Variants in ITGA4 observed in about 807,000 individuals in gnomAD.
ITGA4 encodes integrin subunit alpha 4, also known as integrin alpha-4.
In ITGA4, 63 loss-of-function variants were observed where a neutral mutation model predicts 133.6. The ratio of observed to expected loss-of-function variants is 0.47; its 90% CI spans 0.38 to 0.58. The LOEUF is 0.58. ITGA4 is among the 20% of genes least tolerant of loss of function. The probability of loss-of-function intolerance (pLI) is 0.00; values close to 1 mark genes in which losing one functional copy is unlikely to be tolerated. For missense variants in ITGA4, 1,076 were observed against 1,252.7 expected, an observed-to-expected ratio of 0.86 and a Z score of 2.13; for synonymous variants, 483 against 438.0, an observed-to-expected ratio of 1.10 and a Z score of -1.28.
At position 181,533,966 on chromosome 2, in the gene ITGA4, C is replaced by T. The variant is rs78871629; in HGVS notation, c.2785-306C>T. ...ATAAAAAGCCCAAATAAGATAGATT[C>T]AATATGCGGTGGTGGGGTGGAGAAC... On this transcript the variant is annotated intron_variant, in intron 25 of 27. Transcript: ENST00000397033. Among the ~76,000 whole-genome samples, 513 of 152,202 alleles carry T rather than the reference C, an allele frequency of 3.4e-3. 1 individual carries two copies. The highest frequency in any genetic ancestry group is 6.1e-3 in the Non-Finnish European group (415 of 67,986).
Position 181,523,819 on chromosome 2 carries a change from C to T in ITGA4, c.2169+287C>T, listed in dbSNP as rs891012349. Among the ~76,000 whole-genome samples, 1 of 152,126 alleles carries T rather than the reference C, an allele frequency of 6.6e-6. No individual in the cohort carries two copies. Among genetic ancestry groups the T allele is most frequent in the African/African-American group, 2.4e-5 (1 of 41,432 alleles). On this transcript the variant is annotated intron_variant, in intron 19 of 27. Transcript: ENST00000397033. This position sits in a 1 kb window ranked among gnomAD's most constrained non-coding sequence, Gnocchi z 4.2. Reference sequence around the variant, plus strand: ...CCTTCCCGAAAACCCCCACCCCCACCGCAGGTGGTCCTGTCTGCCAGGCAT... The same window carrying T: ...CCTTCCCGAAAACCCCCACCCCCACTGCAGGTGGTCCTGTCTGCCAGGCAT...
Position 181,538,247 on chromosome 2 carries a change from G to T in ITGA4, c.*2720G>T, listed in dbSNP as rs539464631. ...GACTGATAAGTCTTGGATGCAATCT[G>T]TAAAGAAAATACATTATTTCATCAA... On this transcript the variant is annotated 3_prime_UTR_variant, in exon 28 of 28. Coordinates refer to ENST00000397033, the MANE Select transcript of ITGA4 (RefSeq NM_000885.6). 3 of 1,560,672 alleles carry T rather than the reference G, an allele frequency of 1.9e-6. No individual in the cohort carries two copies. Among genetic ancestry groups the T allele is most frequent in the South Asian group, 1.1e-5 (1 of 89,818 alleles).
Position 181,536,762 on chromosome 2 carries a change from AAATAC to A in ITGA4, c.*1239_*1243del, listed in dbSNP as rs1291188112. Reference sequence around the variant, plus strand: ...TTTCTGGATTTTAAAAAATTTCTTTAAATACAATCATTTTTGTAATATTTATTTTA... The same window carrying A: ...TTTCTGGATTTTAAAAAATTTCTTTAAATCATTTTTGTAATATTTATTTTA... On this transcript the variant is annotated 3_prime_UTR_variant, in exon 28 of 28. Transcript: ENST00000397033. The A allele has an allele frequency of 8.1e-6, 2 of 247,302 alleles. No homozygotes were observed. Among genetic ancestry groups the A allele is most frequent in the East Asian group, 1.0e-4 (1 of 9,624 alleles). 15.3% of individuals were successfully genotyped at this position (247,302 alleles called of 1,614,324 possible).
rs762369916 is a variant in ITGA4, at chr2:181,536,919, T to C, written c.*1392T>C. ...ATTAGAAGGCAATGTGGAAAAACAA[T>C]TCTGGGAAAGATTTCTTTATATGAA... On this transcript the variant is annotated 3_prime_UTR_variant, in exon 28 of 28. Coordinates refer to ENST00000397033, the MANE Select transcript of ITGA4 (RefSeq NM_000885.6). The C allele has an allele frequency of 2.2e-6, 1 of 453,458 alleles. No individual in the cohort carries two copies. Among genetic ancestry groups the C allele is most frequent in the South Asian group, 1.6e-5 (1 of 64,350 alleles). 28.1% of individuals were successfully genotyped at this position (453,458 alleles called of 1,614,324 possible). A position where few individuals can be genotyped will look rare whatever the true frequency, so the allele number is the denominator to read the frequency against.
chr2:181,537,489 C>CT lies in ITGA4; in HGVS notation c.*1968dup, dbSNP rs140597682. 0.011 allele frequency: 4,906 copies of CT among 453,530 alleles called. 174 individuals carry two copies. The highest frequency in any genetic ancestry group is 0.084 in the African/African-American group (4,211 of 50,008). The allele number at this position is 453,530 out of a possible 1,614,324, so 28.1% of individuals were successfully genotyped here. A position where few individuals can be genotyped will look rare whatever the true frequency, so the allele number is the denominator to read the frequency against. On this transcript the variant is annotated 3_prime_UTR_variant, in exon 28 of 28. Transcript: ENST00000397033. ...TTTAAGAAGACAGGGATGGGTTATT[C>CT]TTTTTTGGCAGGTAGGCTATATAAC... is the stretch of plus-strand genomic sequence containing the variant.
chr2:181,500,919 A>G (rs529283620), intron 15 of ITGA4, among the ~76,000 whole-genome samples: 3 of 152,284 alleles, frequency 2.0e-5, no homozygotes, highest in East Asian at 1.9e-4. Context: ...TGGAAGATAC[A>G]GGTGATAAAG....
intron 2 of ITGA4, among the ~76,000 whole-genome samples, chr2:181,467,344 C>A (rs1017261434): frequency 5.3e-5 from 8 of 152,070 alleles, no homozygotes; most frequent in Admixed American, 3.3e-4. Context: ...AGCCAGAAAG[C>A]CAGACTGAGA....
intron 15 of ITGA4, among the ~76,000 whole-genome samples, chr2:181,507,070 A>G (rs1278399058): frequency 6.6e-6 from 1 of 152,168 alleles, no homozygotes; most frequent in Non-Finnish European, 1.5e-5. Flanking sequence ...AAACAGCCAT[A>G]TGAAAAGTAG....
In ITGA4 at chr2:181,537,315, G is replaced by A. The variant is rs886055314; in HGVS notation, c.*1788G>A. 9 of 453,536 alleles carry A rather than the reference G, an allele frequency of 2.0e-5. No individual in the cohort carries two copies. The highest frequency in any genetic ancestry group is 6.9e-4 in the Middle Eastern group (1 of 1,442). 28.1% of individuals were successfully genotyped at this position (453,536 alleles called of 1,614,324 possible). A position where few individuals can be genotyped will look rare whatever the true frequency, so the allele number is the denominator to read the frequency against. ...ATATTTCAGGTTATCTGAGCACAGT[G>A]AAAGCAGAGTACTATGGTTGTCCAA... On this transcript the variant is annotated 3_prime_UTR_variant, in exon 28 of 28. Coordinates refer to ENST00000397033, the MANE Select transcript of ITGA4 (RefSeq NM_000885.6).
chr2:181,500,049 A>C (rs1026714432), intron 15 of ITGA4, among the ~76,000 whole-genome samples: 1 of 152,160 alleles, frequency 6.6e-6, no homozygotes, highest in Admixed American at 6.6e-5. Flanking sequence ...GTATATTTGT[A>C]GTGTTACCAT....
chr2:181,510,028 CAT>C, intron 16 of ITGA4: 1 of 381,900 alleles, frequency 2.6e-6, no homozygotes, highest in Admixed American at 4.3e-5. Context: ...AGTAGATTCT[CAT>C]ATAAAATGCT....
At chr2:181,459,570 C>T (rs887212493) in intron 2 of ITGA4, among the ~76,000 whole-genome samples, 19 of 152,142 alleles carry the variant, frequency 1.2e-4, no homozygotes, top group Admixed American at 1.2e-3. Flanking sequence ...TAAAAGTCTA[C>T]GAGTTGTCTG....
At chr2:181,459,158 G>C (rs933948835) in intron 2 of ITGA4, 1 of 152,190 alleles carries the variant, frequency 6.6e-6, no homozygotes, top group Non-Finnish European at 1.5e-5. Flanking sequence ...CCTAGTTTAT[G>C]TATGAGGACT....
At chr2:181,522,544 C>T (rs887060295) in intron 18 of ITGA4, among the ~76,000 whole-genome samples, 1 of 152,148 alleles carries the variant, frequency 6.6e-6, no homozygotes, top group Non-Finnish European at 1.5e-5. Context: ...CTCCTGTTTT[C>T]CAGTACTAGG....
chr2:181,505,580 TTTAA>T (rs534828110), intron 15 of ITGA4, among the ~76,000 whole-genome samples: 127 of 152,226 alleles, frequency 8.3e-4, no homozygotes, highest in South Asian at 1.7e-3. Context: ...CTCCCAAATA[TTTAA>T]TTAATCACTT....
intron 2 of ITGA4, among the ~76,000 whole-genome samples, chr2:181,460,395 C>T (rs1372511376): frequency 6.6e-6 from 1 of 152,106 alleles, no homozygotes; most frequent in Non-Finnish European, 1.5e-5. Context: ...TCAGTGGTAG[C>T]TTGAAGCTAT....
At chr2:181,490,631 G>C (rs1415881417) in intron 10 of ITGA4, among the ~76,000 whole-genome samples, 1 of 151,960 alleles carries the variant, frequency 6.6e-6, no homozygotes, top group Non-Finnish European at 1.5e-5. Flanking sequence ...TAGAGCATGG[G>C]AATAGCACAG....
intron 17 of ITGA4, among the ~76,000 whole-genome samples, chr2:181,515,120 C>T (rs1302329787): frequency 1.3e-5 from 2 of 152,064 alleles, no homozygotes; most frequent in African/African-American, 4.8e-5. Flanking sequence ...ATTAATAGAG[C>T]TCCAAGTTCT....
chr2:181,477,117 C>A (rs1343282727), intron 4 of ITGA4, among the ~76,000 whole-genome samples: 3 of 152,162 alleles, frequency 2.0e-5, no homozygotes, highest in South Asian at 2.1e-4. Flanking sequence ...GAACCCTGAA[C>A]CTGAAAGTTT....
Sources: allele counts gnomAD v4.1 joint callset (sites outside exome capture counted in the v4.1 genomes callset), GRCh38; gene constraint gnomAD v4.1.1; non-coding constraint Gnocchi (gnomAD v3.1); transcripts MANE v1.5; gene names NCBI Gene and HGNC (gene_info 2026-07-23, HGNC 2026-07-21).